NLGN4X: variants seen among roughly 807,000 people sequenced by gnomAD.
The protein encoded by NLGN4X is neuroligin 4 X-linked.
NLGN4X carries 3 observed loss-of-function variants against 40.3 expected under a neutral mutation model. The ratio of observed to expected loss-of-function variants is 0.07; its 90% confidence interval spans 0.03 to 0.19. The LOEUF is 0.19. Ranked by LOEUF, NLGN4X falls within the 10% of genes least tolerant of loss-of-function variation. NLGN4X has a pLI of 1.00. For synonymous variants in NLGN4X, 270 were observed against 306.8 expected, an observed-to-expected ratio of 0.88 and a Z score of 1.25; for missense variants, 382 against 708.3, an observed-to-expected ratio of 0.54 and a Z score of 5.23.
chrX:6,207,847 A>G (rs774654240), intron 1 of NLGN4X, among the ~76,000 whole-genome samples: 4 of 112,198 alleles, frequency 3.6e-5, no homozygotes, highest in Non-Finnish European at 7.5e-5. Flanking sequence ...ATTATAAAAT[A>G]ACCTATTATG....
chrX:6,069,662 T>A (rs1168810044), intron 2 of NLGN4X, among the ~76,000 whole-genome samples: 1 of 112,238 alleles, frequency 8.9e-6, no homozygotes, highest in Non-Finnish European at 1.9e-5. Context: ...GCCTACCTTT[T>A]GGTAAGTCTA....
At chrX:6,032,721 T>C (rs769371153) in intron 2 of NLGN4X, 12 of 1,194,915 alleles carry the variant, frequency 1.0e-5, no homozygotes, top group Non-Finnish European at 1.2e-5. Context: ...TTACTCGTTA[T>C]ATCATCTGCG....
chrX:6,077,172 CAG>C (rs1352848986), intron 2 of NLGN4X, among the ~76,000 whole-genome samples: 2 of 111,716 alleles, frequency 1.8e-5, no homozygotes, highest in African/African-American at 6.5e-5. Context: ...AACTAATGCA[CAG>C]AGAGAAATTT....
chrX:5,971,398 C>T (rs1348660240), intron 3 of NLGN4X, among the ~76,000 whole-genome samples: 1 of 110,738 alleles, frequency 9.0e-6, no homozygotes, highest in Non-Finnish European at 1.9e-5. Context: ...CAGTGAAAGC[C>T]ACAATGATGC....
chrX:5,915,506 C>T (rs750473938), intron 3 of NLGN4X, among the ~76,000 whole-genome samples: 18 of 111,859 alleles, frequency 1.6e-4, no homozygotes, highest in African/African-American at 5.2e-4. Flanking sequence ...TTGGGAATAG[C>T]CAGCCTGGAA....
At chrX:6,215,234 CA>C (rs1341075964) in intron 1 of NLGN4X, among the ~76,000 whole-genome samples, 3 of 111,708 alleles carry the variant, frequency 2.7e-5, no homozygotes, top group Non-Finnish European at 3.8e-5. Context: ...TTTTTCATTG[CA>C]GGGATAGTGT....
intron 1 of NLGN4X, among the ~76,000 whole-genome samples, chrX:6,159,057 A>T (rs954060083): frequency 8.9e-6 from 1 of 112,800 alleles, no homozygotes; most frequent in Non-Finnish European, 1.9e-5. Flanking sequence ...AAAAATGAAT[A>T]AAATACAGAT....
chrX:5,969,409 A>C (rs1416731065), intron 3 of NLGN4X, among the ~76,000 whole-genome samples: 3 of 112,078 alleles, frequency 2.7e-5, no homozygotes, highest in Non-Finnish European at 1.9e-5. Context: ...TGCAGCCAAA[A>C]GACACATGAA....
At chrX:5,945,844 T>A (rs2034105114) in intron 3 of NLGN4X, among the ~76,000 whole-genome samples, 1 of 111,121 alleles carries the variant, frequency 9.0e-6, no homozygotes, top group South Asian at 3.9e-4. Context: ...ACCTGGATGA[T>A]GAAATAATCT....
intron 3 of NLGN4X, among the ~76,000 whole-genome samples, chrX:5,962,275 C>G (rs1394279439): frequency 8.9e-6 from 1 of 112,054 alleles, no homozygotes; most frequent in African/African-American, 3.2e-5. Context: ...TGTTAAAGAA[C>G]ATGCATACTG....
intron 3 of NLGN4X, among the ~76,000 whole-genome samples, chrX:5,917,040 C>T (rs2032833468): frequency 8.9e-6 from 1 of 112,418 alleles, no homozygotes; most frequent in South Asian, 3.7e-4. Context: ...TCCACCACAA[C>T]ACTTGCTAGC....
intron 3 of NLGN4X, among the ~76,000 whole-genome samples, chrX:5,987,549 TA>T (rs921163218): frequency 8.9e-5 from 10 of 112,571 alleles, no homozygotes; most frequent in South Asian, 3.7e-4. Context: ...TCAAATGGAT[TA>T]TTTTTTTTAA....
At chrX:6,121,892 T>A (rs1461652126) in intron 2 of NLGN4X, among the ~76,000 whole-genome samples, 1 of 112,558 alleles carries the variant, frequency 8.9e-6, no homozygotes, top group South Asian at 3.6e-4. Context: ...AATGCTTTTC[T>A]CATCTTCGTT....
intron 1 of NLGN4X, among the ~76,000 whole-genome samples, chrX:6,170,001 C>G (rs2040572246): frequency 9.2e-6 from 1 of 108,283 alleles, no homozygotes; most frequent in South Asian, 3.8e-4. Context: ...GAAGAGAACA[C>G]TGGACAAGAT....
intron 3 of NLGN4X, among the ~76,000 whole-genome samples, chrX:5,941,326 A>C (rs1273337120): frequency 9.1e-6 from 1 of 109,671 alleles, no homozygotes; most frequent in Non-Finnish European, 1.9e-5. Context: ...TAAACCTGCA[A>C]ATTAATTCAA....
chrX:6,149,900 G>A (rs1184964081), intron 2 of NLGN4X, among the ~76,000 whole-genome samples: 1 of 108,488 alleles, frequency 9.2e-6, no homozygotes, highest in Non-Finnish European at 1.9e-5. Flanking sequence ...GATTAACGTC[G>A]TTGTTGATTT....
At chrX:5,994,417 T>C (rs1425613303) in intron 3 of NLGN4X, among the ~76,000 whole-genome samples, 1 of 111,780 alleles carries the variant, frequency 8.9e-6, no homozygotes, top group Non-Finnish European at 1.9e-5. Flanking sequence ...ATTGAGGGCT[T>C]GGATTAAACA....
chrX:5,894,615 G>A (rs899016190), intron 5 of NLGN4X, among the ~76,000 whole-genome samples: 1 of 111,528 alleles, frequency 9.0e-6, no homozygotes, highest in African/African-American at 3.3e-5. Flanking sequence ...TTGCACAAGT[G>A]GTCACAGGTA....
At chrX:5,936,953 G>T (rs1394214924) in intron 3 of NLGN4X, among the ~76,000 whole-genome samples, 1 of 111,689 alleles carries the variant, frequency 9.0e-6, no homozygotes, top group Non-Finnish European at 1.9e-5. Context: ...CAGCAAAAGG[G>T]CGAGATGTTT....
Sources: gnomAD v4.1 joint callset for allele counts (sites outside exome capture counted in the v4.1 genomes callset) on GRCh38, gnomAD v4.1.1 for gene constraint, MANE v1.5 for transcripts, NCBI Gene and HGNC (gene_info 2026-07-23, HGNC 2026-07-21) for gene names.